Variants in RSF1 observed in about 807,000 individuals in gnomAD.
RSF1 encodes the protein HBV pX-associated protein 8.
RSF1 carries 13 observed loss-of-function variants against 145.2 expected under a neutral mutation model. The ratio of observed to expected loss-of-function variants is 0.09; its 90% CI spans 0.06 to 0.14. RSF1 has a LOEUF of 0.14. Among genes scored for constraint, RSF1 ranks in the 10% least tolerant of loss-of-function variants. The probability of loss-of-function intolerance (pLI) is 1.00; values close to 1 mark genes in which losing one functional copy is unlikely to be tolerated. For synonymous variants in RSF1, 577 were observed against 592.6 expected, an observed-to-expected ratio of 0.97 and a Z score of 0.38; for missense variants, 1,517 against 1,718.2, an observed-to-expected ratio of 0.88 and a Z score of 2.07.
chr11:77,753,674 C>T (rs573820431), intron 2 of RSF1, among the ~76,000 whole-genome samples: 2 of 152,326 alleles, frequency 1.3e-5, no homozygotes, highest in East Asian at 3.9e-4. Context: ...ATGTGGCCCA[C>T]AGAAGCCAAA....
At chr11:77,821,649 T>G (rs956928533), upstream of RSF1, among the ~76,000 whole-genome samples, 1 of 151,610 alleles carries the variant, frequency 6.6e-6, no homozygotes, top group Non-Finnish European at 1.5e-5. Flanking sequence ...GGGCTGGGAC[T>G]CCATTGAGAG....
rs1381224891 is a variant in RSF1, at chr11:77,702,164, G to A, written c.1065C>T (p.Gly355=). 3.1e-6 allele frequency: 5 copies of A among 1,613,708 alleles called. No individual in the cohort carries two copies. The highest frequency in any genetic ancestry group is 4.2e-6 in the Non-Finnish European group (5 of 1,179,792). Reference sequence around the variant, plus strand: ...TAATTTCGTGAGAAGATTTAATATTGCCACCAAATTCGATCCTTTCAGGCT... The same window carrying A: ...TAATTTCGTGAGAAGATTTAATATTACCACCAAATTCGATCCTTTCAGGCT... ...AQEPERIEFG[G]NIKSSHEITE... is the part of the protein sequence containing the mutation. Residue 355 remains glycine (G), a synonymous_variant, in exon 6 of 16, where the codon GGC becomes GGT. Transcript: ENST00000308488.
the RSF1 span, among the ~76,000 whole-genome samples, chr11:77,849,036 TC>T: frequency 1.1e-4 from 16 of 149,192 alleles, no homozygotes; most frequent in African/African-American, 3.7e-4. Flanking sequence ...AAAGTGGTGC[TC>T]CTTTTTTTTT....
chr11:77,830,987 CAAAAAAAAAAAAA>C, the RSF1 span, among the ~76,000 whole-genome samples: 3 of 100,514 alleles, frequency 3.0e-5, no homozygotes, highest in African/African-American at 1.1e-4. Context: ...CAAAATATAC[CAAAAAAAAAAAAA>C]AAAAAAAAAA....
At chr11:77,807,675 A>G (rs1948690601) in intron 1 of RSF1, among the ~76,000 whole-genome samples, 1 of 152,246 alleles carries the variant, frequency 6.6e-6, no homozygotes, top group African/African-American at 2.4e-5. Flanking sequence ...AAGAACAGAC[A>G]TTCCTGATTA....
intron 2 of RSF1, among the ~76,000 whole-genome samples, chr11:77,761,821 T>G (rs1000260082): frequency 1.6e-5 from 2 of 127,244 alleles, no homozygotes; most frequent in African/African-American, 6.2e-5. Context: ...TAAATTTCCA[T>G]TCGGTGATTT....
chr11:77,782,188 G>A (rs573771634), intron 1 of RSF1, among the ~76,000 whole-genome samples: 1 of 152,256 alleles, frequency 6.6e-6, no homozygotes, highest in Non-Finnish European at 1.5e-5. Context: ...AATACCACAT[G>A]TGGCTTAGTG....
At position 77,795,772 on chromosome 11, in the gene RSF1, A is replaced by G. The variant is rs991461769; in HGVS notation, c.187+24756T>C. Among the ~76,000 whole-genome samples the G allele has an allele frequency of 2.6e-5, 4 of 152,242 alleles. No individual in the cohort carries two copies. In the South Asian group the frequency reaches 8.3e-4, roughly 31 times the overall value. On this transcript the variant is annotated intron_variant, in intron 1 of 15. Transcript: ENST00000308488. ...GTAGAAAACATAGGGAAAACTCTTC[A>G]GGACACTGACCTAGGCAAATATATT...
chr11:77,869,514 C>G, the RSF1 span, among the ~76,000 whole-genome samples: 1 of 150,126 alleles, frequency 6.7e-6, no homozygotes, highest in Non-Finnish European at 1.5e-5. Flanking sequence ...GGTCGGTCTC[C>G]CTATGTTGCC....
At chr11:77,793,909 G>A (rs933129268) in intron 1 of RSF1, among the ~76,000 whole-genome samples, 6 of 151,764 alleles carry the variant, frequency 4.0e-5, no homozygotes, top group Non-Finnish European at 8.8e-5. Flanking sequence ...ACAACTTTAA[G>A]TCAAAAAAGG....
intron 4 of RSF1, among the ~76,000 whole-genome samples, chr11:77,733,417 C>G (rs760064589): frequency 6.8e-6 from 1 of 147,564 alleles, no homozygotes; most frequent in African/African-American, 2.6e-5. Flanking sequence ...CCTTAGTATA[C>G]TTGGTACAAA....
chr11:77,688,536 T>C (rs2135834678), intron 9 of RSF1, among the ~76,000 whole-genome samples: 1 of 152,326 alleles, frequency 6.6e-6, no homozygotes, highest in Middle Eastern at 3.4e-3. Flanking sequence ...CACATCAAAA[T>C]AGTCCTAGTA....
At chr11:77,697,368 C>A (rs1027777660) in intron 7 of RSF1, among the ~76,000 whole-genome samples, 1 of 150,564 alleles carries the variant, frequency 6.6e-6, no homozygotes, top group South Asian at 2.1e-4. Context: ...TTCAAAAGAA[C>A]AGCACAGGTG....
intron 5 of RSF1, among the ~76,000 whole-genome samples, chr11:77,705,154 GACAGA>G (rs1306499437): frequency 6.6e-6 from 1 of 152,118 alleles, no homozygotes; most frequent in Non-Finnish European, 1.5e-5. Flanking sequence ...GAAGAACTAG[GACAGA>G]ATATGAACCT....
chr11:77,814,208 A>AG (rs1565189094), intron 1 of RSF1, among the ~76,000 whole-genome samples: 7 of 147,980 alleles, frequency 4.7e-5, no homozygotes, highest in Admixed American at 1.3e-4. Context: ...AAAAAAAAAA[A>AG]AAGTTTTGGC....
At chr11:77,693,424 A>G in intron 8 of RSF1, 83 bp downstream of exon 8, 1 of 836,010 alleles carries the variant, frequency 1.2e-6, no homozygotes, top group South Asian at 1.5e-5. Flanking sequence ...TGAAGGTTAA[A>G]AATATTCATT....
At chr11:77,758,092 C>T (rs1259950170) in intron 2 of RSF1, among the ~76,000 whole-genome samples, 2 of 149,480 alleles carry the variant, frequency 1.3e-5, no homozygotes, top group East Asian at 2.0e-4. Context: ...GCTGTGACTG[C>T]GCCACTGCAC....
At position 77,667,461 on chromosome 11, in the gene RSF1, T is replaced by C; in HGVS notation, c.3782A>G (p.Asp1261Gly). ...ESYLSKNSED[D>G]ELAKESKRSV... is the part of the protein sequence containing the mutation. The stretch of plus-strand genomic sequence containing the variant: ...CCGCTTTGATTCTTTAGCTAGCTCA[T>C]CATCTTCAGAGTTCTTGGACAAATA... Residue 1261 changes from aspartate to glycine, a missense_variant, in exon 16 of 16, where the codon GAT becomes GGT. By Grantham distance (94) the Asp-to-Gly change is moderately conservative. This residue lies in a region of RSF1 where 240 missense variants were observed against 231.8 expected (regional missense o/e 1.04). Coordinates refer to ENST00000308488, the MANE Select transcript of RSF1 (RefSeq NM_016578.4). 1 of 1,611,954 alleles carries C rather than the reference T, an allele frequency of 6.2e-7. No individual in the cohort carries two copies. The highest frequency in any genetic ancestry group is 8.5e-7 in the Non-Finnish European group (1 of 1,179,844).
chr11:77,728,119 T>C (rs1260049732), intron 4 of RSF1, among the ~76,000 whole-genome samples: 1 of 152,226 alleles, frequency 6.6e-6, no homozygotes, highest in Non-Finnish European at 1.5e-5. Context: ...AAACCATTTC[T>C]TCTTTCAGGT....
Sources: gnomAD v4.1 joint callset for allele counts (sites outside exome capture counted in the v4.1 genomes callset) on GRCh38, gnomAD v4.1.1 for gene constraint, gnomAD v4.1.1 regional missense constraint, MANE v1.5 for transcripts, NCBI Gene and HGNC (gene_info 2026-07-23, HGNC 2026-07-21) for gene names.